Variants in FHAD1 observed in about 807,000 individuals in gnomAD.
FHAD1 encodes forkhead associated phosphopeptide binding domain 1.
Under a neutral mutation model 191.3 loss-of-function variants are expected in FHAD1, and 146 were observed. The observed-to-expected ratio is 0.76, with a 90% CI of 0.67 to 0.88. The LOEUF (loss-of-function observed/expected upper bound fraction) is 0.88. Ranked by LOEUF, FHAD1 falls within the 40% of genes least tolerant of loss-of-function variation. The pLI is 0.00. For synonymous variants in FHAD1, 616 were observed against 672.3 expected (o/e 0.92, Z 1.29); for missense variants, 1,635 against 1,785.8 (o/e 0.92, Z 1.52).
downstream of FHAD1, among the ~76,000 whole-genome samples, chr1:15,401,112 A>C (rs545256944): frequency 6.6e-6 from 1 of 152,308 alleles, no homozygotes; most frequent in African/African-American, 2.4e-5. Flanking sequence ...GTATCACTCA[A>C]GATCCCTTGG....
At chr1:15,383,407 G>A (rs1701372348) in intron 31 of FHAD1, 1 of 379,828 alleles carries the variant, frequency 2.6e-6, no homozygotes, top group Admixed American at 3.1e-5. Context: ...TCCTGGGTGA[G>A]TCCTGCCTCA....
At chr1:15,372,271 G>C (rs1698319887) in intron 26 of FHAD1, among the ~76,000 whole-genome samples, 1 of 152,104 alleles carries the variant, frequency 6.6e-6, no homozygotes, top group Admixed American at 6.6e-5. Flanking sequence ...GGCCTCAGAC[G>C]GCACTGTTGA....
At chr1:15,371,358 G>A (rs971563828) in intron 26 of FHAD1, among the ~76,000 whole-genome samples, 1 of 152,212 alleles carries the variant, frequency 6.6e-6, no homozygotes, top group East Asian at 1.9e-4. Flanking sequence ...TAGTGGAGGA[G>A]GACGGGGGAG....
At chr1:15,236,582 A>G (rs549588929) in exon 1 of FHAD1, among the ~76,000 whole-genome samples, 1 of 152,344 alleles carries the variant, frequency 6.6e-6, no homozygotes, top group Non-Finnish European at 1.5e-5. Context: ...ATTCTCTCTC[A>G]TCCCCTTGGG....
Position 15,329,673 on chromosome 1 carries a change from C to A in FHAD1, c.1906+132C>A. On this transcript the variant is annotated intron_variant, in intron 14 of 33. Transcript: ENST00000688493. The surrounding 1 kb of genome is among the most constrained non-coding windows in gnomAD (Gnocchi z 5.0). ...AGTCTATTCCCTTCTCCAGAACCCC[C>A]TGCTTCTCTGCTTGAGGCGTAATTT... The A allele has an allele frequency of 1.5e-6, 1 of 684,374 alleles. No homozygotes were observed. Among genetic ancestry groups the A allele is most frequent in the Non-Finnish European group, 2.3e-6 (1 of 426,476 alleles). 42.4% of individuals were successfully genotyped at this position (684,374 alleles called of 1,614,324 possible).
At chr1:15,346,804 C>T (rs1689078968) in intron 18 of FHAD1, among the ~76,000 whole-genome samples, 1 of 152,204 alleles carries the variant, frequency 6.6e-6, no homozygotes, top group Admixed American at 6.5e-5. Context: ...AGCTGGGCTA[C>T]TTCCTGGCTG....
At chr1:15,266,782 C>T (rs1377975016) in intron 2 of FHAD1, among the ~76,000 whole-genome samples, 1 of 152,148 alleles carries the variant, frequency 6.6e-6, no homozygotes, top group Non-Finnish European at 1.5e-5. Flanking sequence ...CTGGCAACCA[C>T]AAATCTTTCT....
intron 2 of FHAD1, among the ~76,000 whole-genome samples, chr1:15,267,516 G>A (rs1488315342): frequency 2.0e-5 from 3 of 152,116 alleles, no homozygotes; most frequent in African/African-American, 7.2e-5. Context: ...GGAAGAGATT[G>A]TAGGGAGCTG....
intron 1 of FHAD1, among the ~76,000 whole-genome samples, chr1:15,248,548 G>T (rs1449088123): frequency 1.3e-5 from 2 of 151,776 alleles, no homozygotes; most frequent in Non-Finnish European, 2.9e-5. Context: ...CTGCTAGCCA[G>T]TGCCCAACCT....
At position 15,251,813 on chromosome 1, in the gene FHAD1, G is replaced by A. The variant is rs979964436; in HGVS notation, c.29G>A (p.Gly10Asp). The change falls in exon 2 of 34, where the codon GGC becomes GAC. Residue 10 changes from glycine to aspartate, a missense_variant. Transcript: ENST00000688493. The part of the protein sequence containing the change: MKAYLKSAE[G>D]FFVLNKSTTI... ...AAGGCCTATCTAAAGAGCGCAGAAG[G>A]CTTTTTTGTCCTAAATAAAAGTACC... 2 of 1,552,214 alleles carry A rather than the reference G, an allele frequency of 1.3e-6. No individual in the cohort carries two copies. The highest frequency in any genetic ancestry group is 1.2e-5 in the South Asian group (1 of 84,046).
At chr1:15,279,856 C>G (rs547264352) in intron 3 of FHAD1, among the ~76,000 whole-genome samples, 1 of 152,124 alleles carries the variant, frequency 6.6e-6, no homozygotes, top group East Asian at 1.9e-4. Context: ...TCCCCCACAC[C>G]CATGCAGGAG....
rs543404588 is a variant in FHAD1, at chr1:15,357,391, G to T, written c.2563-719G>T. Among the ~76,000 whole-genome samples, 831 of 152,240 alleles carry T rather than the reference G, an allele frequency of 5.5e-3. 15 individuals carry two copies. The highest frequency in any genetic ancestry group is 0.019 in the African/African-American group (793 of 41,548). On this transcript the variant is annotated intron_variant, in intron 20 of 33. Coordinates refer to ENST00000688493, the MANE Select transcript of FHAD1 (RefSeq NM_001391957.1). ...CTGTAATCCCAGAATTTGGGAGGCC[G>T]AGGCAGGCGGATCACGAGGTCAAGA...
intron 14 of FHAD1, among the ~76,000 whole-genome samples, chr1:15,333,427 G>A (rs1009504751): frequency 2.0e-5 from 3 of 152,122 alleles, no homozygotes; most frequent in Admixed American, 6.5e-5. Context: ...CATCACTGAG[G>A]ACTTATATTC....
At chr1:15,321,384 G>A (rs1574316225) in intron 10 of FHAD1, among the ~76,000 whole-genome samples, 1 of 152,214 alleles carries the variant, frequency 6.6e-6, no homozygotes, top group East Asian at 1.9e-4. Flanking sequence ...TACTATTTTA[G>A]TGGTTATTCT....
chr1:15,326,864 T>G (rs1231808576), intron 11 of FHAD1, 195 bp from the exon 12 acceptor site: 1 of 555,176 alleles, frequency 1.8e-6, no homozygotes, highest in East Asian at 3.0e-5. Context: ...AAAAAGTAAT[T>G]AAAGCCTGCT....
At chr1:15,345,738 A>G (rs1688671143) in intron 18 of FHAD1, 1 of 582,078 alleles carries the variant, frequency 1.7e-6, no homozygotes, top group South Asian at 2.0e-5. Flanking sequence ...AAAATTGTAA[A>G]CAGTGTAAAA....
At position 15,349,036 on chromosome 1, in the gene FHAD1, T is replaced by C; in HGVS notation, c.2347-6T>C. On this transcript the variant is annotated splice_polypyrimidine_tract_variant and splice_region_variant and intron_variant, in intron 18 of 33. Coordinates refer to ENST00000688493, the MANE Select transcript of FHAD1 (RefSeq NM_001391957.1). Reference sequence around the variant, plus strand: ...GCCACCAAGAGCACTGGTCGTTGATTTTCAGGTTTTGGAGAGCAGCATAGC... The same window carrying C: ...GCCACCAAGAGCACTGGTCGTTGATCTTCAGGTTTTGGAGAGCAGCATAGC... 1 of 1,549,342 alleles carries C rather than the reference T, an allele frequency of 6.5e-7. No homozygotes were observed. Among genetic ancestry groups the C allele is most frequent in the African/African-American group, 1.4e-5 (1 of 72,924 alleles).
chr1:15,353,660 GC>G (rs1691641567), intron 20 of FHAD1, among the ~76,000 whole-genome samples: 1 of 127,372 alleles, frequency 7.9e-6, no homozygotes, highest in Non-Finnish European at 1.5e-5. Context: ...AGCCGAGATT[GC>G]CCCATTGCAC....
chr1:15,364,499 A>G (rs537941284), intron 23 of FHAD1, among the ~76,000 whole-genome samples: 33 of 152,278 alleles, frequency 2.2e-4, no homozygotes, highest in African/African-American at 7.9e-4. Context: ...AGTCCCAGCT[A>G]CTTGGGAGGC....
Sources: allele counts gnomAD v4.1 joint callset (sites outside exome capture counted in the v4.1 genomes callset), GRCh38; gene constraint gnomAD v4.1.1; non-coding constraint Gnocchi (gnomAD v3.1); transcripts MANE v1.5; gene names NCBI Gene and HGNC (gene_info 2026-07-23, HGNC 2026-07-21).